Variants in HDX observed in about 807,000 individuals in gnomAD.
HDX encodes highly divergent homeobox.
A neutral mutation model predicts 45.2 loss-of-function variants in HDX; 19 were observed. The ratio of observed to expected loss-of-function variants is 0.42; its 90% confidence interval spans 0.29 to 0.62. HDX has a LOEUF of 0.62. Among genes scored for constraint, HDX ranks in the 20% least tolerant of loss-of-function variants. HDX has a pLI of 0.20. For missense variants in HDX, 532 were observed against 493.9 expected, an observed-to-expected ratio of 1.08 and a Z score of -0.73; for synonymous variants, 188 against 172.8, an observed-to-expected ratio of 1.09 and a Z score of -0.69.
chrX:84,498,821 GCACACACACACACACACA>G (rs202067754), intron 1 of HDX, among the ~76,000 whole-genome samples: 76 of 94,692 alleles, frequency 8.0e-4, no homozygotes, highest in African/African-American at 2.4e-3. Flanking sequence ...TGGAATGTAT[GCACACACACACACACACA>G]CACACACACA....
At chrX:84,377,255 G>T (rs1437891633) in intron 5 of HDX, among the ~76,000 whole-genome samples, 1 of 111,433 alleles carries the variant, frequency 9.0e-6, no homozygotes, top group Non-Finnish European at 1.9e-5. Flanking sequence ...TCAAATATCT[G>T]GAACTCCTTC....
chrX:84,476,632 A>G (rs2040561625), intron 2 of HDX, among the ~76,000 whole-genome samples: 1 of 110,836 alleles, frequency 9.0e-6, no homozygotes, highest in Non-Finnish European at 1.9e-5. Flanking sequence ...AGCAACAACG[A>G]AACTCTTCAA....
intron 4 of HDX, among the ~76,000 whole-genome samples, chrX:84,465,832 A>C (rs1348041274): frequency 9.0e-6 from 1 of 111,568 alleles, no homozygotes; most frequent in Non-Finnish European, 1.9e-5. Context: ...TAATAATAGA[A>C]AGTTGACAAA....
At chrX:84,461,980 C>T (rs1434583030) in intron 4 of HDX, among the ~76,000 whole-genome samples, 1 of 111,525 alleles carries the variant, frequency 9.0e-6, no homozygotes, top group African/African-American at 3.3e-5. Flanking sequence ...ATCATCTCAC[C>T]CCAGTTAAAA....
chrX:84,398,123 C>CATAT (rs751269091), intron 5 of HDX, among the ~76,000 whole-genome samples: 1 of 108,226 alleles, frequency 9.2e-6, no homozygotes, highest in African/African-American at 3.4e-5. Flanking sequence ...CACACACACA[C>CATAT]ATATATATAT....
chrX:84,376,348 A>T (rs2147890896), intron 5 of HDX, among the ~76,000 whole-genome samples: 1 of 111,935 alleles, frequency 8.9e-6, no homozygotes, highest in East Asian at 2.8e-4. Context: ...CTGCTTGAGA[A>T]AAGCAGAGGA....
At chrX:84,492,938 G>C (rs2040920797) in intron 1 of HDX, among the ~76,000 whole-genome samples, 1 of 103,785 alleles carries the variant, frequency 9.6e-6, no homozygotes, top group African/African-American at 3.6e-5. Flanking sequence ...CTGAGATGGA[G>C]CTTCGCTCTT....
At chrX:84,401,691 C>T (rs1287014572) in intron 5 of HDX, among the ~76,000 whole-genome samples, 1 of 111,944 alleles carries the variant, frequency 8.9e-6, no homozygotes, top group Non-Finnish European at 1.9e-5. Flanking sequence ...TTAGGCCCAG[C>T]AATCCCATTA....
At chrX:84,363,935 G>A (rs766154489) in intron 5 of HDX, among the ~76,000 whole-genome samples, 21 of 110,977 alleles carry the variant, frequency 1.9e-4, no homozygotes, top group Non-Finnish European at 3.8e-4. Context: ...AATAACCCAG[G>A]CAATCTAGGT....
intron 4 of HDX, among the ~76,000 whole-genome samples, chrX:84,450,915 C>T (rs2039983703): frequency 9.0e-6 from 1 of 111,386 alleles, no homozygotes; most frequent in African/African-American, 3.3e-5. Context: ...CTTACAAATA[C>T]ATGGATATTA....
At chrX:84,381,517 A>C (rs1459801842) in intron 5 of HDX, among the ~76,000 whole-genome samples, 10 of 111,331 alleles carry the variant, frequency 9.0e-5, no homozygotes, top group Non-Finnish European at 7.6e-5. Flanking sequence ...CAATGGAATA[A>C]AATAGATAAC....
rs150169466 is a variant in HDX, at chrX:84,407,459, G to C, written c.1305+33073C>G. Among the ~76,000 whole-genome samples the C allele has an allele frequency of 0.014, 1,507 of 111,132 alleles. 41 individuals carry two copies. In the East Asian group the frequency reaches 0.14, roughly 10 times the overall value. ...CCACATTTTCTTTATCTAGTCTACT[G>C]TTGATGGGCATTTAGGATGATTCCT... is the stretch of plus-strand genomic sequence containing the variant. On this transcript the variant is annotated intron_variant, in intron 5 of 10. Coordinates refer to ENST00000373177, the MANE Select transcript of HDX (RefSeq NM_001177479.2).
At chrX:84,432,755 C>G (rs1313643362) in intron 5 of HDX, among the ~76,000 whole-genome samples, 2 of 111,055 alleles carry the variant, frequency 1.8e-5, no homozygotes, top group African/African-American at 6.5e-5. Context: ...GGTATAGAAC[C>G]ATATCATCTG....
At chrX:84,370,412 G>A (rs1420832010) in intron 5 of HDX, among the ~76,000 whole-genome samples, 1 of 111,587 alleles carries the variant, frequency 9.0e-6, no homozygotes, top group Non-Finnish European at 1.9e-5. Flanking sequence ...CTGTTTCTCT[G>A]GAGATCGCTG....
intron 5 of HDX, among the ~76,000 whole-genome samples, chrX:84,366,643 C>T (rs1024850949): frequency 9.0e-6 from 1 of 111,046 alleles, no homozygotes; most frequent in Non-Finnish European, 1.9e-5. Flanking sequence ...ACAAATAGAC[C>T]AATGGAACAG....
intron 1 of HDX, among the ~76,000 whole-genome samples, chrX:84,491,048 T>C (rs2040883868): frequency 9.0e-6 from 1 of 111,376 alleles, no homozygotes. Flanking sequence ...ATTTGTGGGA[T>C]ATATTGAGCT....
chrX:84,333,694 G>C, intron 9 of HDX, 65 bp downstream of exon 9: 1 of 471,133 alleles, frequency 2.1e-6, no homozygotes, highest in South Asian at 2.9e-5. Context: ...AGTAATATAG[G>C]TATTGTAAAA....
intron 6 of HDX, among the ~76,000 whole-genome samples, chrX:84,357,061 G>A (rs1569292374): frequency 9.0e-6 from 1 of 111,360 alleles, no homozygotes; most frequent in Non-Finnish European, 1.9e-5. Context: ...CATGGCACAA[G>A]GTACTTATTA....
chrX:84,355,079 T>G, intron 6 of HDX, among the ~76,000 whole-genome samples: 1 of 104,741 alleles, frequency 9.5e-6, no homozygotes, highest in Middle Eastern at 4.9e-3. Flanking sequence ...TAATAGGGAG[T>G]TTGCCATATA....
Sources: allele counts gnomAD v4.1 joint callset (sites outside exome capture counted in the v4.1 genomes callset), GRCh38; gene constraint gnomAD v4.1.1; transcripts MANE v1.5; gene names NCBI Gene and HGNC (gene_info 2026-07-23, HGNC 2026-07-21).